ENAH: variants seen among roughly 807,000 people sequenced by gnomAD.
ENAH encodes the protein protein enabled homolog.
A neutral mutation model predicts 78.7 loss-of-function variants in ENAH; 23 were observed. That is an observed-to-expected ratio of 0.29 (90% CI 0.21 to 0.41). The LOEUF (loss-of-function observed/expected upper bound fraction) is 0.41, where lower values mean the gene tolerates loss of function less well. Ranked by LOEUF, ENAH falls within the 10% of genes least tolerant of loss-of-function variation. The pLI is 1.00. For synonymous variants in ENAH, 226 were observed against 241.0 expected, an observed-to-expected ratio of 0.94 and a Z score of 0.58; for missense variants, 544 against 691.0, an observed-to-expected ratio of 0.79 and a Z score of 2.39.
intron 1 of ENAH, 180 bp downstream of exon 1, chr1:225,652,506 G>T (rs1663207784): frequency 2.3e-6 from 2 of 864,598 alleles, no homozygotes; most frequent in South Asian, 1.1e-4. Context: ...CACGGGTTGG[G>T]GAGGTTTCCA....
intron 11 of ENAH, among the ~76,000 whole-genome samples, chr1:225,503,907 T>C (rs374719862): frequency 2.0e-5 from 3 of 152,048 alleles, no homozygotes; most frequent in Non-Finnish European, 4.4e-5. Context: ...TTTTAAAAAA[T>C]AGATGTGTAA....
At chr1:225,617,425 T>C (rs1240733786) in intron 1 of ENAH, among the ~76,000 whole-genome samples, 1 of 152,170 alleles carries the variant, frequency 6.6e-6, no homozygotes, top group Non-Finnish European at 1.5e-5. Flanking sequence ...TTGGGGTTAC[T>C]AGGATCCTGG....
chr1:225,632,371 G>A (rs1180138039), intron 1 of ENAH, among the ~76,000 whole-genome samples: 4 of 152,088 alleles, frequency 2.6e-5, no homozygotes, highest in East Asian at 1.9e-4. Context: ...AGTGGCAGGC[G>A]CCTGTAATCT....
At chr1:225,650,453 T>C (rs1054190181) in intron 1 of ENAH, among the ~76,000 whole-genome samples, 6 of 152,180 alleles carry the variant, frequency 3.9e-5, no homozygotes, top group Non-Finnish European at 7.4e-5. Context: ...CAGACTGACA[T>C]CTATACATGA....
intron 1 of ENAH, among the ~76,000 whole-genome samples, chr1:225,642,318 G>A (rs575312606): frequency 6.6e-6 from 1 of 152,144 alleles, no homozygotes; most frequent in Admixed American, 6.5e-5. Context: ...ACTGACTTTG[G>A]GCTTGACCAT....
At chr1:225,538,438 A>C (rs1187392685) in intron 3 of ENAH, among the ~76,000 whole-genome samples, 2 of 152,148 alleles carry the variant, frequency 1.3e-5, no homozygotes, top group South Asian at 4.1e-4. Context: ...ACATTTTCAA[A>C]AATATTATTT....
At chr1:225,561,580 C>T (rs1346997276) in intron 2 of ENAH, among the ~76,000 whole-genome samples, 3 of 134,964 alleles carry the variant, frequency 2.2e-5, no homozygotes. Flanking sequence ...TGAGATGGCG[C>T]CACTGCACTC....
chr1:225,646,802 T>C (rs1575861405), intron 1 of ENAH, among the ~76,000 whole-genome samples: 1 of 150,976 alleles, frequency 6.6e-6, no homozygotes, highest in East Asian at 2.0e-4. Flanking sequence ...AATTAATAAA[T>C]AAAAATAAAA....
chr1:225,607,569 C>G (rs1387574620), intron 1 of ENAH, among the ~76,000 whole-genome samples: 1 of 150,700 alleles, frequency 6.6e-6, no homozygotes, highest in Non-Finnish European at 1.5e-5. Context: ...AGCCATTCAT[C>G]GAAATCCCAG....
At chr1:225,583,921 G>C (rs1303619239) in intron 1 of ENAH, among the ~76,000 whole-genome samples, 2 of 152,188 alleles carry the variant, frequency 1.3e-5, no homozygotes, top group African/African-American at 4.8e-5. Context: ...GGGAGGCCAA[G>C]GCAGGCAGAT....
intron 3 of ENAH, among the ~76,000 whole-genome samples, chr1:225,548,931 C>T (rs1402880447): frequency 2.0e-5 from 3 of 150,294 alleles, no homozygotes; most frequent in African/African-American, 7.4e-5. Context: ...CTCACTGCAA[C>T]CTCCGCCTCC....
chr1:225,542,240 C>T (rs1008555374), intron 3 of ENAH, among the ~76,000 whole-genome samples: 4 of 152,210 alleles, frequency 2.6e-5, no homozygotes, highest in Admixed American at 6.5e-5. Context: ...CTATGAATAA[C>T]GCCAACATGA....
In ENAH at chr1:225,512,911, T is replaced by A. The variant is rs768781486; in HGVS notation, c.1324A>T (p.Ser442Cys). Residue 442 changes from serine (S) to cysteine (C), a missense_variant, in exon 8 of 14, where the codon AGT becomes TGT. Physicochemically the swap from Ser to Cys is moderately radical, Grantham distance 112. Transcript: ENST00000366843. ...GCACTCATTTCTTCCATTAAACCAC[T>A]ACCCCCTAAAGGAAGGGGTCCATTT... is the stretch of plus-strand genomic sequence containing the variant. ...RGNGPLPLGG[S>C]GLMEEMSALL... The A allele has an allele frequency of 4.3e-6, 7 of 1,613,932 alleles. No individual in the cohort carries two copies. Among genetic ancestry groups the A allele is most frequent in the Non-Finnish European group, 5.9e-6 (7 of 1,179,978 alleles).
intron 9 of ENAH, among the ~76,000 whole-genome samples, 197 bp downstream of exon 9, chr1:225,512,460 C>T (rs1383754809): frequency 6.6e-6 from 1 of 152,220 alleles, no homozygotes; most frequent in Non-Finnish European, 1.5e-5. Context: ...ACATATTCAA[C>T]TCACTTTACT....
intron 3 of ENAH, among the ~76,000 whole-genome samples, chr1:225,539,666 T>C (rs978315444): frequency 2.6e-5 from 4 of 152,216 alleles, no homozygotes; most frequent in African/African-American, 9.6e-5. Flanking sequence ...TTGCCCCCCA[T>C]GATGTGATTG....
intron 3 of ENAH, among the ~76,000 whole-genome samples, chr1:225,547,158 G>A (rs187643834): frequency 1.8e-4 from 27 of 151,440 alleles, no homozygotes; most frequent in Non-Finnish European, 3.1e-4. Flanking sequence ...TGCAACCTCC[G>A]CCTCCTGGAT....
intron 1 of ENAH, among the ~76,000 whole-genome samples, chr1:225,615,636 G>A (rs938870499): frequency 1.3e-5 from 2 of 149,840 alleles, no homozygotes; most frequent in Admixed American, 1.3e-4. Context: ...TGAGATGTGG[G>A]GAGCGCCTCT....
At chr1:225,644,377 AAACTT>A (rs747137712) in intron 1 of ENAH, among the ~76,000 whole-genome samples, 1 of 152,234 alleles carries the variant, frequency 6.6e-6, no homozygotes, top group Non-Finnish European at 1.5e-5. Context: ...TTTTAAATGA[AAACTT>A]AAGATACATA....
At chr1:225,615,026 GCCCTCTCCCCGGTCTCCCTCT>G (rs2097017200) in intron 1 of ENAH, among the ~76,000 whole-genome samples, 1 of 141,684 alleles carries the variant, frequency 7.1e-6, no homozygotes, top group Non-Finnish European at 1.5e-5. Flanking sequence ...TCCCTCTGAT[GCCCTCTCCCCGGTCTCCCTCT>G]CCCTCTCCCT....
Sources: gnomAD v4.1 joint callset for allele counts (sites outside exome capture counted in the v4.1 genomes callset) on GRCh38, gnomAD v4.1.1 for gene constraint, MANE v1.5 for transcripts, NCBI Gene and HGNC (gene_info 2026-07-23, HGNC 2026-07-21) for gene names.